MYH3: variants seen among roughly 807,000 people sequenced by gnomAD.
MYH3 encodes myosin-3.
In MYH3, 130 loss-of-function variants were observed where a neutral mutation model predicts 238.0. The ratio of observed to expected loss-of-function variants is 0.55; its 90% CI spans 0.47 to 0.63. The LOEUF (loss-of-function observed/expected upper bound fraction) is 0.63. Ranked by LOEUF, MYH3 falls within the 30% of genes least tolerant of loss-of-function variation. MYH3 has a pLI of 0.00. For missense variants in MYH3, 1,853 were observed against 2,374.9 expected, an observed-to-expected ratio of 0.78 and a Z score of 4.57; for synonymous variants, 880 against 924.1, an observed-to-expected ratio of 0.95 and a Z score of 0.86.
chr17:10,665,646 G>A, the MYH3 span, among the ~76,000 whole-genome samples: 2 of 152,158 alleles, frequency 1.3e-5, no homozygotes, highest in Non-Finnish European at 2.9e-5. Context: ...CACAAAAGTA[G>A]ATATTCCTTG....
chr17:10,660,211 C>G (rs773329215), upstream of MYH3, among the ~76,000 whole-genome samples: 14 of 152,232 alleles, frequency 9.2e-5, no homozygotes, highest in Non-Finnish European at 2.1e-4. Context: ...ACACACCATG[C>G]CTCGTGCTGT....
At chr17:10,657,963 T>G (rs2074450753), upstream of MYH3, among the ~76,000 whole-genome samples, 1 of 152,184 alleles carries the variant, frequency 6.6e-6, no homozygotes, top group South Asian at 2.1e-4. Flanking sequence ...CTTAATTCTT[T>G]CTTAAGCTCT....
chr17:10,647,201 G>T lies in MYH3; in HGVS notation c.879C>A (p.Asn293Lys). ...CCTCACCTATGAGCTCAGGCTTCTT[G>T]TTAGAAAGAATCTGGTAGAAGATGT... ...SYHIFYQILS[N>K]KKPELIELLL... The change falls in exon 10 of 41, where the codon AAC (asparagine) becomes AAA (lysine). Residue 293 changes from asparagine to lysine, a missense_variant. Transcript: ENST00000583535. The T allele has an allele frequency of 6.2e-7, 1 of 1,614,070 alleles. No individual in the cohort carries two copies. Among genetic ancestry groups the T allele is most frequent in the South Asian group, 1.1e-5 (1 of 91,088 alleles).
rs573273231 is a variant in MYH3, at chr17:10,640,563, C to G, written c.2289G>C (p.Lys763Asn). ...GCATCTGTCAGAACTGATGCATTACCTTGGTATGTCCAAATTTGTACTGAG... is the reference window on the plus strand; with the variant it reads ...GCATCTGTCAGAACTGATGCATTACGTTGGTATGTCCAAATTTGTACTGAG... ...DHTQYKFGHTKVFFKAGLLGT... is the reference protein window; with the variant it reads ...DHTQYKFGHTNVFFKAGLLGT... The change falls in exon 20 of 41, where the codon AAG (lysine) becomes AAC (asparagine). Residue 763 changes from lysine to asparagine, a missense_variant and splice_region_variant. Physicochemically the swap from Lys to Asn is moderately conservative, Grantham distance 94 (BLOSUM62 0). Coordinates refer to ENST00000583535, the MANE Select transcript of MYH3 (RefSeq NM_002470.4). 6.2e-7 allele frequency: 1 copy of G among 1,614,236 alleles called. No individual in the cohort carries two copies. The highest frequency in any genetic ancestry group is 8.5e-7 in the Non-Finnish European group (1 of 1,180,032).
chr17:10,667,554 G>T, the MYH3 span, among the ~76,000 whole-genome samples: 1 of 151,854 alleles, frequency 6.6e-6, no homozygotes, highest in Non-Finnish European at 1.5e-5. Flanking sequence ...TGTGACAGGC[G>T]CCTGTAGTCC....
the MYH3 span, among the ~76,000 whole-genome samples, chr17:10,662,946 G>A: frequency 1.3e-5 from 2 of 152,190 alleles, no homozygotes; most frequent in East Asian, 3.9e-4. Flanking sequence ...AATTAGCCGG[G>A]TGTGGTGGTG....
chr17:10,666,760 A>AAAAAC, the MYH3 span, among the ~76,000 whole-genome samples: 1 of 152,032 alleles, frequency 6.6e-6, no homozygotes, highest in Non-Finnish European at 1.5e-5. Context: ...AGACAAAAAC[A>AAAAAC]AAAACAAAAC....
chr17:10,651,904 C>T (rs2074379842), intron 4 of MYH3: 9 of 514,474 alleles, frequency 1.7e-5, no homozygotes, highest in East Asian at 1.3e-4. Context: ...CCATCACGCC[C>T]GGCTAATTTT....
chr17:10,652,125 C>G (rs2074381964), intron 4 of MYH3: 2 of 463,396 alleles, frequency 4.3e-6, no homozygotes, highest in African/African-American at 2.0e-5. Context: ...GGCACTGAGA[C>G]TCAAAAAGGG....
chr17:10,633,833 C>A, intron 32 of MYH3, 118 bp from the exon 33 acceptor site: 1 of 1,516,814 alleles, frequency 6.6e-7, no homozygotes, highest in Non-Finnish European at 9.1e-7. Flanking sequence ...TTCCTGCTTC[C>A]TAGAGATAAG....
chr17:10,634,009 T>G lies in MYH3; in HGVS notation c.4522+8A>C. 7.4e-6 allele frequency: 12 copies of G among 1,613,544 alleles called. No individual in the cohort carries two copies. The highest frequency in any genetic ancestry group is 1.0e-5 in the Non-Finnish European group (12 of 1,180,008). ...GGAGGAGGTTTCAGAGGGTTTCGAA[T>G]AGCTTACGCTCTAAGTTCTTATTTT... On this transcript the variant is annotated splice_region_variant and intron_variant, in intron 32 of 40. Transcript: ENST00000583535.
At chr17:10,641,922 T>C (rs2074276771) in intron 17 of MYH3, among the ~76,000 whole-genome samples, 1 of 152,190 alleles carries the variant, frequency 6.6e-6, no homozygotes, top group South Asian at 2.1e-4. Flanking sequence ...AAATGCTTTC[T>C]AAAATCAACT....
chr17:10,645,726 G>A lies in MYH3; in HGVS notation c.1122C>T (p.Ala374=), dbSNP rs371582572. The change falls in exon 12 of 41, where the codon GCC becomes GCT. Residue 374 remains alanine, a synonymous_variant. Coordinates refer to ENST00000583535, the MANE Select transcript of MYH3 (RefSeq NM_002470.4). ...TTGTACCTTCTGTGCCATCCGGCTC[G>A]GCCTGCTCCTCTCGCTGCTTCTGCT... ...KFKQKQREEQ[A]EPDGTEVADK... 69 of 1,612,986 alleles carry A rather than the reference G, an allele frequency of 4.3e-5. No homozygotes were observed. Among genetic ancestry groups the A allele is most frequent in the East Asian group, 2.0e-4 (9 of 44,744 alleles).
chr17:10,632,910 T>C, intron 33 of MYH3, 126 bp from the exon 34 acceptor site: 2 of 1,153,372 alleles, frequency 1.7e-6, no homozygotes, highest in Non-Finnish European at 1.3e-6. Flanking sequence ...CACAATTCAC[T>C]TTTTAAATGT....
At chr17:10,649,952 T>C (rs1181414525) in intron 6 of MYH3, among the ~76,000 whole-genome samples, 1 of 152,100 alleles carries the variant, frequency 6.6e-6, no homozygotes, top group East Asian at 1.9e-4. Context: ...CTTTTTATTT[T>C]TTATTTATTT....
Position 10,642,405 on chromosome 17 carries a change from C to T in MYH3, c.1888+12G>A, listed in dbSNP as rs773792941. 39 of 1,614,026 alleles carry T rather than the reference C, an allele frequency of 2.4e-5. No homozygotes were observed. The highest frequency in any genetic ancestry group is 3.1e-5 in the Non-Finnish European group (37 of 1,180,014). Reference sequence around the variant, plus strand: ...GGAGGGAAATCACATGGACACAAAGCACTCCTCTTACCATCCGCCGTGGCA... The same window carrying T: ...GGAGGGAAATCACATGGACACAAAGTACTCCTCTTACCATCCGCCGTGGCA... On this transcript the variant is annotated intron_variant, in intron 16 of 40. Coordinates refer to ENST00000583535, the MANE Select transcript of MYH3 (RefSeq NM_002470.4). This position sits in a 1 kb window ranked among gnomAD's most constrained non-coding sequence, Gnocchi z 5.4.
chr17:10,653,871 C>A (rs1305623670), intron 3 of MYH3, among the ~76,000 whole-genome samples: 3 of 152,196 alleles, frequency 2.0e-5, no homozygotes, highest in Non-Finnish European at 4.4e-5. Context: ...CCTTCCCTGA[C>A]GTGTTAGCAG....
Position 10,638,413 on chromosome 17 carries a change from T to A in MYH3, c.3359A>T (p.Glu1120Val). Residue 1120 changes from glutamate (E) to valine (V), a missense_variant, in exon 27 of 41, where the codon GAA becomes GTA. By Grantham distance (121) the Glu-to-Val change is moderately radical. Coordinates refer to ENST00000583535, the MANE Select transcript of MYH3 (RefSeq NM_002470.4). ...GGCCCTCTCCGCCTCTATCTCCTCT[T>A]CCAGCTCCTCAATTCGAGCCTGTGG... Reference protein sequence around the residue: ...KELQARIEELEEEIEAERATR... With the variant: ...KELQARIEELVEEIEAERATR... The A allele has an allele frequency of 1.2e-6, 2 of 1,600,314 alleles. No individual in the cohort carries two copies. The highest frequency in any genetic ancestry group is 1.7e-6 in the Non-Finnish European group (2 of 1,179,920).
Position 10,647,209 on chromosome 17 carries a change from G to T in MYH3, c.871C>A (p.Leu291Ile), listed in dbSNP as rs2142413563. The change falls in exon 10 of 41, where the codon CTT becomes ATT. Residue 291 changes from leucine to isoleucine, a missense_variant. This residue lies in a region of MYH3 where 678 missense variants were observed against 1,058.9 expected (regional missense o/e 0.64). Transcript: ENST00000583535. ...ERSYHIFYQI[L>I]SNKKPELIEL... ...ATGAGCTCAGGCTTCTTGTTAGAAA[G>T]AATCTGGTAGAAGATGTGGTAGCTT... 2 of 1,614,200 alleles carry T rather than the reference G, an allele frequency of 1.2e-6. No homozygotes were observed. Among genetic ancestry groups the T allele is most frequent in the Middle Eastern group, 3.3e-4 (2 of 6,060 alleles).
Sources: allele counts gnomAD v4.1 joint callset (sites outside exome capture counted in the v4.1 genomes callset), GRCh38; gene constraint gnomAD v4.1.1; regional missense constraint gnomAD v4.1.1; non-coding constraint Gnocchi (gnomAD v3.1); transcripts MANE v1.5; gene names NCBI Gene and HGNC (gene_info 2026-07-23, HGNC 2026-07-21).